FRMD1: variants seen among roughly 807,000 people sequenced by gnomAD.
FRMD1 encodes the protein FERM domain-containing protein 1.
In FRMD1, 51 loss-of-function variants were observed where a neutral mutation model predicts 54.9. The ratio of observed to expected loss-of-function variants is 0.93; its 90% CI spans 0.74 to 1.17. FRMD1 has a LOEUF of 1.17. FRMD1 is among the 50% of genes most tolerant of loss of function. The pLI is 0.00. For missense variants in FRMD1, 729 were observed against 743.0 expected, an observed-to-expected ratio of 0.98 and a Z score of 0.22; for synonymous variants, 324 against 306.4, an observed-to-expected ratio of 1.06 and a Z score of -0.60.
At chr6:168,091,412 A>G (rs993926370) in intron 1 of FRMD1, among the ~76,000 whole-genome samples, 4 of 152,134 alleles carry the variant, frequency 2.6e-5, no homozygotes, top group African/African-American at 9.7e-5. Flanking sequence ...CTGTCTCCCC[A>G]GGCCCCCAGC....
In FRMD1 at chr6:168,066,910, G is replaced by T. The variant is rs1290653782; in HGVS notation, c.385-79C>A. 3.2e-6 allele frequency: 5 copies of T among 1,555,888 alleles called. No homozygotes were observed. The African/African-American group carries it at 4.1e-5, about 13-fold the overall frequency. On this transcript the variant is annotated intron_variant, in intron 3 of 10. Transcript: ENST00000283309. ...CTGTCCTGTCTTCCCAGTTGGGGGG[G>T]CCTGGATTGCTTCACACTCAGCTTA...
intron 1 of FRMD1, 43 bp from the exon 2 acceptor site, chr6:168,075,378 T>A: frequency 1.9e-6 from 3 of 1,538,476 alleles, no homozygotes; most frequent in Non-Finnish European, 2.7e-6. Flanking sequence ...GGCCGGCACC[T>A]GTCCCCAGGG....
rs144351021 is a variant in FRMD1, at chr6:168,079,021, G to T, written c.74C>A (p.Ala25Glu). 6.2e-7 allele frequency: 1 copy of T among 1,612,056 alleles called. No individual in the cohort carries two copies. ...TNPDTFPPSG[A>E]RCMEPSPERP... Reference sequence around the variant, plus strand: ...CTCAGGACTGGGTTCCATACATCGCGCCCCTGAAGGAGGGAACGTGTCAGG... The same window carrying T: ...CTCAGGACTGGGTTCCATACATCGCTCCCCTGAAGGAGGGAACGTGTCAGG... The change falls in exon 1 of 11, where the codon GCG becomes GAG. Residue 25 changes from alanine (A) to glutamate (E), a missense_variant. Coordinates refer to ENST00000283309, the MANE Select transcript of FRMD1 (RefSeq NM_024919.6).
rs1253234518 is a variant in FRMD1, at chr6:168,079,046, G to A, written c.49C>T (p.Pro17Ser). The change falls in exon 1 of 11, where the codon CCT becomes TCT. Residue 17 changes from proline (P) to serine (S), a missense_variant. Pro to Ser is a moderately conservative substitution (Grantham distance 74). Coordinates refer to ENST00000283309, the MANE Select transcript of FRMD1 (RefSeq NM_024919.6). Reference sequence around the variant, plus strand: ...GCCCCTGAAGGAGGGAACGTGTCAGGGTTTGTCCGGGCGGGGTCTATGCCC... The same window carrying A: ...GCCCCTGAAGGAGGGAACGTGTCAGAGTTTGTCCGGGCGGGGTCTATGCCC... ...GRGIDPARTN[P>S]DTFPPSGARC... The A allele has an allele frequency of 6.2e-7, 1 of 1,610,818 alleles. No homozygotes were observed. The highest frequency in any genetic ancestry group is 1.7e-5 in the Admixed American group (1 of 60,012).
At chr6:168,060,611 G>T in intron 9 of FRMD1, 150 bp downstream of exon 9, 1 of 736,466 alleles carries the variant, frequency 1.4e-6, no homozygotes, top group Non-Finnish European at 2.2e-6. Flanking sequence ...CATTTCCTGG[G>T]ACTCAGGTCA....
intron 1 of FRMD1, among the ~76,000 whole-genome samples, chr6:168,077,731 C>T (rs1291037205): frequency 2.0e-5 from 3 of 152,216 alleles, no homozygotes; most frequent in South Asian, 4.1e-4. Context: ...AAAATCTTAC[C>T]GTGAAGTTCC....
chr6:168,087,582 C>T (rs143949783), intron 1 of FRMD1, among the ~76,000 whole-genome samples: 18 of 152,302 alleles, frequency 1.2e-4, no homozygotes, highest in African/African-American at 3.8e-4. Context: ...TGCAGTGGCC[C>T]TCCTCCCACC....
In FRMD1 at chr6:168,079,052, T is replaced by C. The variant is rs756973733; in HGVS notation, c.43A>G (p.Thr15Ala). The change falls in exon 1 of 11, where the codon ACA (threonine) becomes GCA (alanine). Residue 15 changes from threonine (T) to alanine (A), a missense_variant. Physicochemically the swap from Thr to Ala is moderately conservative, Grantham distance 58. Transcript: ENST00000283309. ...PRGRGIDPAR[T>A]NPDTFPPSGA... ...GAAGGAGGGAACGTGTCAGGGTTTG[T>C]CCGGGCGGGGTCTATGCCCCTCCCT... The C allele has an allele frequency of 4.5e-5, 73 of 1,610,066 alleles. No homozygotes were observed. The highest frequency in any genetic ancestry group is 3.4e-6 in the Non-Finnish European group (4 of 1,179,810).
chr6:168,066,463 AC>A, intron 4 of FRMD1: 3 of 880,400 alleles, frequency 3.4e-6, no homozygotes, highest in Non-Finnish European at 4.3e-6. Flanking sequence ...GTGCCATTGC[AC>A]TCCAGCCTGG....
chr6:168,055,321 ATG>A lies in FRMD1; in HGVS notation c.*1774_*1775del, dbSNP rs141975455. On this transcript the variant is annotated 3_prime_UTR_variant, in exon 11 of 11. Coordinates refer to ENST00000283309, the MANE Select transcript of FRMD1 (RefSeq NM_024919.6). The stretch of plus-strand genomic sequence containing the variant: ...GGAGTGTGCATGTATGGATGTGTGC[ATG>A]TGTGTGTGTGCATGCGTGTGCATCT... The A allele has an allele frequency of 2.4e-4, 37 of 153,046 alleles. No homozygotes were observed. Among genetic ancestry groups the A allele is most frequent in the Middle Eastern group, 3.3e-3 (1 of 302 alleles). The allele number at this position is 153,046 out of a possible 1,614,324, so 9.5% of individuals were successfully genotyped here.
At chr6:168,068,399 T>C (rs1206471955) in intron 2 of FRMD1, among the ~76,000 whole-genome samples, 1 of 152,202 alleles carries the variant, frequency 6.6e-6, no homozygotes, top group Non-Finnish European at 1.5e-5. Context: ...CCTCCGTGTC[T>C]GCTGGGAACT....
intron 2 of FRMD1, among the ~76,000 whole-genome samples, chr6:168,068,940 T>A (rs900131343): frequency 2.0e-5 from 3 of 152,238 alleles, no homozygotes; most frequent in African/African-American, 7.2e-5. Context: ...CCTTAGTACC[T>A]GGCTCTTCTA....
intron 1 of FRMD1, among the ~76,000 whole-genome samples, chr6:168,086,709 G>T (rs76504048): frequency 6.6e-6 from 1 of 151,940 alleles, no homozygotes; most frequent in African/African-American, 2.4e-5. Flanking sequence ...CCCTTGGGCC[G>T]TCGTCTGTCA....
chr6:168,074,100 G>C (rs942110342), intron 2 of FRMD1, among the ~76,000 whole-genome samples: 1 of 152,086 alleles, frequency 6.6e-6, no homozygotes, highest in Non-Finnish European at 1.5e-5. Context: ...AGTGAGACTG[G>C]ATACAGGCGC....
upstream of FRMD1, among the ~76,000 whole-genome samples, chr6:168,082,513 C>T (rs534448686): frequency 1.3e-5 from 2 of 152,318 alleles, no homozygotes; most frequent in South Asian, 2.1e-4. Context: ...GGCTTCTCGC[C>T]GTGCTCAGTA....
Position 168,060,954 on chromosome 6 carries a change from G to A in FRMD1, c.1149C>T (p.His383=), listed in dbSNP as rs113624371. The stretch of plus-strand genomic sequence containing the variant: ...TGTCGGCGGAGTGGCGTGAGAGGCA[G>A]TGGGGGCAGTGCTGGCTGCTGACCC... ...GSGVSSQHCP[H]CLSRHSADSH... is the part of the protein sequence containing the mutation. Residue 383 remains histidine, a synonymous_variant, in exon 9 of 11, where the codon CAC becomes CAT. Coordinates refer to ENST00000283309, the MANE Select transcript of FRMD1 (RefSeq NM_024919.6). The A allele has an allele frequency of 6.2e-7, 1 of 1,613,274 alleles. No homozygotes were observed. Among genetic ancestry groups the A allele is most frequent in the Non-Finnish European group, 8.5e-7 (1 of 1,180,014 alleles).
intron 1 of FRMD1, among the ~76,000 whole-genome samples, chr6:168,089,458 G>A (rs924757997): frequency 1.3e-5 from 2 of 152,248 alleles, no homozygotes; most frequent in African/African-American, 2.4e-5. Context: ...CTGGGGTCTG[G>A]TCGGCTGTCC....
chr6:168,081,951 A>C, upstream of FRMD1: 1 of 158,472 alleles, frequency 6.3e-6, no homozygotes, highest in Non-Finnish European at 1.4e-5. Flanking sequence ...TACACAAGTT[A>C]TAAAACAGTC....
chr6:168,062,472 C>T (rs964041387), intron 7 of FRMD1, among the ~76,000 whole-genome samples: 5 of 152,260 alleles, frequency 3.3e-5, no homozygotes, highest in Non-Finnish European at 7.3e-5. Flanking sequence ...TAGACCTCAC[C>T]GGGCAGCTAA....
Sources: allele counts gnomAD v4.1 joint callset (sites outside exome capture counted in the v4.1 genomes callset), GRCh38; gene constraint gnomAD v4.1.1; transcripts MANE v1.5; gene names NCBI Gene and HGNC (gene_info 2026-07-23, HGNC 2026-07-21).